The following SMYD4 variants were observed in gnomAD, a reference collection of about 807,000 sequenced individuals.
SMYD4 encodes SET and MYND domain containing 4.
SMYD4 carries 68 observed loss-of-function variants against 72.8 expected under a neutral mutation model. The ratio of observed to expected loss-of-function variants is 0.93; its 90% CI spans 0.77 to 1.14. The LOEUF is 1.14. SMYD4 is among the 50% of genes most tolerant of loss of function. The pLI, the probability that SMYD4 is intolerant of heterozygous loss-of-function variation, is 0.00. For synonymous variants in SMYD4, 407 were observed against 388.6 expected, an observed-to-expected ratio of 1.05 and a Z score of -0.56; for missense variants, 984 against 1,003.7, an observed-to-expected ratio of 0.98 and a Z score of 0.27.
intron 2 of SMYD4, among the ~76,000 whole-genome samples, chr17:1,825,888 C>G (rs928132676): frequency 6.6e-6 from 1 of 151,762 alleles, no homozygotes; most frequent in Non-Finnish European, 1.5e-5. Context: ...ATCGCTTGAG[C>G]CCAGGAGCTT....
At position 1,783,107 on chromosome 17, in the gene SMYD4, TC is replaced by T. The variant is rs1321859069; in HGVS notation, c.2188del (p.Glu730ArgfsTer32). 1 of 1,613,998 alleles carries T rather than the reference TC, an allele frequency of 6.2e-7. No homozygotes were observed. The highest frequency in any genetic ancestry group is 8.5e-7 in the Non-Finnish European group (1 of 1,180,036). ...THLQRSLYVV[E>X]VRHGPSSVEM... ...AACACTGGACGGCCCGTGGCGAACC[TC>T]CACCACGTAGAGACTCCTCTGTAGA... On this transcript the variant is annotated frameshift_variant, in exon 10 of 11. Transcript: ENST00000305513. LOFTEE classifies it high-confidence loss of function.
chr17:1,820,557 T>C (rs996681810), intron 2 of SMYD4, among the ~76,000 whole-genome samples: 3 of 152,160 alleles, frequency 2.0e-5, no homozygotes, highest in African/African-American at 7.2e-5. Context: ...CGCTCTTTTT[T>C]ATATAAATCT....
chr17:1,806,691 C>G (rs1438675313), intron 3 of SMYD4, among the ~76,000 whole-genome samples: 2 of 152,088 alleles, frequency 1.3e-5, no homozygotes, highest in African/African-American at 4.8e-5. Context: ...TGGGTATCCT[C>G]ATTATGCTGT....
At chr17:1,823,639 G>T (rs1160318106) in intron 2 of SMYD4, among the ~76,000 whole-genome samples, 1 of 152,078 alleles carries the variant, frequency 6.6e-6, no homozygotes, top group Non-Finnish European at 1.5e-5. Flanking sequence ...TGAGGCTGAA[G>T]AAGGGTAGAC....
At chr17:1,794,226 C>T (rs1361054480) in intron 5 of SMYD4, among the ~76,000 whole-genome samples, 2 of 136,918 alleles carry the variant, frequency 1.5e-5, no homozygotes, top group East Asian at 2.2e-4. Flanking sequence ...TCTCCTGCCT[C>T]AGCCTCCCAA....
At chr17:1,808,811 T>C (rs143824117) in intron 3 of SMYD4, among the ~76,000 whole-genome samples, 2 of 152,320 alleles carry the variant, frequency 1.3e-5, no homozygotes, top group East Asian at 3.9e-4. Context: ...TATTAAGCCA[T>C]TTATCACTGG....
At chr17:1,811,007 C>T (rs1446894481) in intron 3 of SMYD4, among the ~76,000 whole-genome samples, 2 of 152,208 alleles carry the variant, frequency 1.3e-5, no homozygotes, top group African/African-American at 4.8e-5. Context: ...ATTCTTCCAG[C>T]ACACCAAGGC....
intron 2 of SMYD4, among the ~76,000 whole-genome samples, chr17:1,825,490 G>GCCA (rs1218477575): frequency 6.7e-6 from 1 of 149,992 alleles, no homozygotes; most frequent in Non-Finnish European, 1.5e-5. Context: ...TTTTTATACA[G>GCCA]CCATATCTGT....
chr17:1,791,811 C>T (rs1909044435), intron 5 of SMYD4, among the ~76,000 whole-genome samples: 1 of 151,976 alleles, frequency 6.6e-6, no homozygotes, highest in Non-Finnish European at 1.5e-5. Context: ...CGCTTGAGCC[C>T]AGGAGTTTGA....
At chr17:1,792,684 C>A (rs182700624) in intron 5 of SMYD4, among the ~76,000 whole-genome samples, 20 of 152,194 alleles carry the variant, frequency 1.3e-4, no homozygotes, top group Admixed American at 1.2e-3. Flanking sequence ...GCTGCCGTGA[C>A]AGGCCAACAA....
At chr17:1,803,554 C>G (rs868807327) in intron 4 of SMYD4, among the ~76,000 whole-genome samples, 1 of 152,130 alleles carries the variant, frequency 6.6e-6, no homozygotes, top group Non-Finnish European at 1.5e-5. Context: ...TGCAGTGGCA[C>G]GATCTCAGCT....
chr17:1,782,644 C>T (rs528874522), intron 10 of SMYD4: 27 of 164,688 alleles, frequency 1.6e-4, no homozygotes, highest in Non-Finnish European at 3.3e-4. Context: ...GGGGCTGTGA[C>T]GAACCAGAGA....
intron 2 of SMYD4, among the ~76,000 whole-genome samples, chr17:1,821,491 G>A (rs942055894): frequency 1.3e-5 from 2 of 152,096 alleles, no homozygotes; most frequent in African/African-American, 4.8e-5. Context: ...TCCAGGCTGG[G>A]TGACAAGAGC....
intron 2 of SMYD4, among the ~76,000 whole-genome samples, chr17:1,822,974 T>A (rs1285876955): frequency 1.3e-5 from 2 of 152,168 alleles, no homozygotes; most frequent in Non-Finnish European, 2.9e-5. Context: ...ATACCCTTTA[T>A]TTGGATTAGG....
intron 2 of SMYD4, among the ~76,000 whole-genome samples, chr17:1,815,739 A>G (rs1910559132): frequency 6.7e-6 from 1 of 149,728 alleles, no homozygotes; most frequent in South Asian, 2.1e-4. Context: ...TCGCTCTGTC[A>G]CCGAGGCTGG....
intron 4 of SMYD4, 129 bp from the exon 5 acceptor site, chr17:1,801,153 T>A (rs1318581156): frequency 5.1e-6 from 4 of 782,466 alleles, no homozygotes; most frequent in Non-Finnish European, 8.1e-6. Context: ...ACCACATGCT[T>A]ATTAAAATCA....
chr17:1,789,037 G>GA (rs890623493), intron 5 of SMYD4, among the ~76,000 whole-genome samples: 1 of 152,098 alleles, frequency 6.6e-6, no homozygotes, highest in East Asian at 1.9e-4. Context: ...TGGAAAACTG[G>GA]AAAAAAACCA....
intron 3 of SMYD4, among the ~76,000 whole-genome samples, chr17:1,810,437 T>A (rs9907065): frequency 0.34 from 51,393 of 151,880 alleles, 9,569 homozygotes; most frequent in African/African-American, 0.5. Context: ...CTCAGGAGAC[T>A]AAGGTGGGAG....
In SMYD4 at chr17:1,787,467, C is replaced by T; in HGVS notation, c.1675G>A (p.Ala559Thr). 6.4e-7 allele frequency: 1 copy of T among 1,565,692 alleles called. No homozygotes were observed. The part of the protein sequence containing the change: ...SFISTVATIR[A>T]SQRIRKGQEI... The stretch of plus-strand genomic sequence containing the variant: ...TGCCCCTTTCTAATCCGCTGTGACG[C>T]CCGGATGGTGGCGACAGTGCTAATG... Residue 559 changes from alanine to threonine, a missense_variant, in exon 6 of 11, where the codon GCG (alanine) becomes ACG (threonine). Coordinates refer to ENST00000305513, the MANE Select transcript of SMYD4 (RefSeq NM_052928.3).
Sources: gnomAD v4.1 joint callset for allele counts (sites outside exome capture counted in the v4.1 genomes callset) on GRCh38, gnomAD v4.1.1 for gene constraint, MANE v1.5 for transcripts, NCBI Gene and HGNC (gene_info 2026-07-23, HGNC 2026-07-21) for gene names.